The following PHACTR1 variants were observed in gnomAD, a reference collection of about 807,000 sequenced individuals.
PHACTR1 encodes the protein RPEL repeat containing 1.
PHACTR1 carries 16 observed loss-of-function variants against 69.2 expected under a neutral mutation model. The observed-to-expected ratio is 0.23, with a 90% CI of 0.16 to 0.35. The LOEUF (loss-of-function observed/expected upper bound fraction) is 0.35, where lower values mean the gene tolerates loss of function less well. PHACTR1 is among the 10% of genes least tolerant of loss of function. The probability of loss-of-function intolerance (pLI) is 1.00; values close to 1 mark genes in which losing one functional copy is unlikely to be tolerated. For missense variants in PHACTR1, 510 were observed against 734.7 expected (o/e 0.69, Z 3.54); for synonymous variants, 312 against 284.5 (o/e 1.10, Z -0.97).
intron 5 of PHACTR1, among the ~76,000 whole-genome samples, chr6:13,072,816 G>T (rs1809742598): frequency 6.6e-6 from 1 of 152,094 alleles, no homozygotes; most frequent in Non-Finnish European, 1.5e-5. Context: ...TTTCCAAAAA[G>T]GTTGTAACAA....
At chr6:12,810,308 GTGGT>G (rs1774875532) in intron 4 of PHACTR1, among the ~76,000 whole-genome samples, 1 of 151,556 alleles carries the variant, frequency 6.6e-6, no homozygotes, top group South Asian at 2.1e-4. Flanking sequence ...TTTCTGCATT[GTGGT>G]TGGTTGGTTT....
intron 10 of PHACTR1, among the ~76,000 whole-genome samples, chr6:13,270,225 C>T (rs1425359649): frequency 1.3e-5 from 2 of 152,200 alleles, no homozygotes; most frequent in Admixed American, 6.5e-5. Flanking sequence ...GATGAACAGC[C>T]AGATGAAGAG....
intron 4 of PHACTR1, among the ~76,000 whole-genome samples, chr6:12,765,188 G>T (rs1768461342): frequency 6.6e-6 from 1 of 152,188 alleles, no homozygotes; most frequent in Admixed American, 6.5e-5. Flanking sequence ...GTATCACCAT[G>T]TTAAGGAAAG....
At chr6:13,044,170 T>C (rs940831490) in intron 4 of PHACTR1, among the ~76,000 whole-genome samples, 4 of 152,216 alleles carry the variant, frequency 2.6e-5, no homozygotes, top group Admixed American at 2.0e-4. Context: ...CTGTTCACAA[T>C]GTGCTCTCTT....
At chr6:13,122,346 G>C (rs1334692329) in intron 5 of PHACTR1, among the ~76,000 whole-genome samples, 1 of 152,182 alleles carries the variant, frequency 6.6e-6, no homozygotes, top group East Asian at 1.9e-4. Context: ...TCTGTAATTA[G>C]GTGAAGTTGA....
intron 6 of PHACTR1, among the ~76,000 whole-genome samples, chr6:13,166,541 C>T (rs1759838432): frequency 1.3e-5 from 2 of 152,146 alleles, no homozygotes; most frequent in East Asian, 1.9e-4. Flanking sequence ...ATTCACTGCA[C>T]CGGCGAAATC....
intron 3 of PHACTR1, among the ~76,000 whole-genome samples, chr6:12,745,848 T>C (rs1460217478): frequency 6.6e-6 from 1 of 152,230 alleles, no homozygotes; most frequent in Non-Finnish European, 1.5e-5. Flanking sequence ...ATGGGACCCA[T>C]GCTGGTAGAG....
chr6:13,019,066 A>ATTTTTTTT (rs369553785), intron 4 of PHACTR1, among the ~76,000 whole-genome samples: 11 of 134,594 alleles, frequency 8.2e-5, no homozygotes, highest in East Asian at 8.0e-4. Flanking sequence ...ATATATATAT[A>ATTTTTTTT]TATATATATT....
intron 4 of PHACTR1, among the ~76,000 whole-genome samples, chr6:12,886,214 C>A (rs1454885387): frequency 6.6e-6 from 1 of 151,850 alleles, no homozygotes; most frequent in African/African-American, 2.4e-5. Context: ...ATGAAGCAAA[C>A]CACAAGTGCA....
chr6:13,219,191 A>G (rs1410903526), intron 8 of PHACTR1, among the ~76,000 whole-genome samples: 3 of 152,054 alleles, frequency 2.0e-5, no homozygotes, highest in Non-Finnish European at 4.4e-5. Context: ...CTTTCCAAAT[A>G]TGTCTCTTTT....
chr6:13,004,966 G>A lies in PHACTR1; in HGVS notation c.251-48399G>A, dbSNP rs368854043. On this transcript the variant is annotated intron_variant, in intron 4 of 14. Coordinates refer to ENST00000332995, the MANE Select transcript of PHACTR1 (RefSeq NM_030948.6). ...ATACAATACTATATAACATTTGCTT[G>A]TAATATATATTTAATATATTTCTTA... is the stretch of plus-strand genomic sequence containing the variant. Among the ~76,000 whole-genome samples, 23 of 151,812 alleles carry A rather than the reference G, an allele frequency of 1.5e-4. 1 individual carries two copies. The East Asian group carries it at 2.5e-3, about 17-fold the overall frequency.
Position 13,246,295 on chromosome 6 carries a change from G to C in PHACTR1, c.1391+16102G>C, listed in dbSNP as rs1030606816. 3.3e-5 allele frequency among the ~76,000 whole-genome samples: 5 copies of C among 152,150 alleles called. No individual in the cohort carries two copies. Among genetic ancestry groups the C allele is most frequent in the Non-Finnish European group, 7.3e-5 (5 of 68,030 alleles). On this transcript the variant is annotated intron_variant, in intron 10 of 14. Transcript: ENST00000332995. The surrounding 1 kb of genome is among the most constrained non-coding windows in gnomAD (Gnocchi z 4.2). ...CAGTTATCAAAAGGCCCATGTAAAAGGAATCCTTGAATTCTCCCACAGATA... is the reference window on the plus strand; with the variant it reads ...CAGTTATCAAAAGGCCCATGTAAAACGAATCCTTGAATTCTCCCACAGATA...
At chr6:12,891,117 A>C (rs1784129051) in intron 4 of PHACTR1, among the ~76,000 whole-genome samples, 1 of 152,194 alleles carries the variant, frequency 6.6e-6, no homozygotes, top group African/African-American at 2.4e-5. Flanking sequence ...AATGAAAGTT[A>C]AATTTTTTTT....
chr6:12,848,829 T>C (rs945282730), intron 4 of PHACTR1, among the ~76,000 whole-genome samples: 2 of 152,312 alleles, frequency 1.3e-5, no homozygotes, highest in African/African-American at 2.4e-5. Context: ...TCTTTTTTTC[T>C]TTTTTTAAGA....
At chr6:13,213,088 TTGAGTGAGTGAG>T (rs547670652) in intron 8 of PHACTR1, among the ~76,000 whole-genome samples, 16 of 151,766 alleles carry the variant, frequency 1.1e-4, no homozygotes, top group Admixed American at 3.3e-4. Context: ...GCTTATAGGT[TTGAGTGAGTGAG>T]TGAGTGAGTG....
chr6:13,260,940 T>C (rs1032363175), intron 10 of PHACTR1, among the ~76,000 whole-genome samples: 3 of 152,220 alleles, frequency 2.0e-5, no homozygotes, highest in African/African-American at 7.2e-5. Flanking sequence ...TGTTGATGCT[T>C]TGGACTGAAT....
At chr6:13,285,328 T>C (rs1293518725) in intron 13 of PHACTR1, among the ~76,000 whole-genome samples, 1 of 152,206 alleles carries the variant, frequency 6.6e-6, no homozygotes, top group Non-Finnish European at 1.5e-5. Flanking sequence ...ATTCTGATCC[T>C]ACAGGAAGAC....
intron 4 of PHACTR1, among the ~76,000 whole-genome samples, chr6:13,027,999 T>C (rs1801946154): frequency 6.6e-6 from 1 of 152,142 alleles, no homozygotes; most frequent in Non-Finnish European, 1.5e-5. Flanking sequence ...CACACTAGGG[T>C]GGAAAACTGA....
intron 4 of PHACTR1, among the ~76,000 whole-genome samples, chr6:12,965,009 A>G (rs972510128): frequency 1.1e-4 from 17 of 152,200 alleles, no homozygotes; most frequent in Non-Finnish European, 1.5e-5. Flanking sequence ...GATAGAAAAT[A>G]GTGTCCGTAG....
Sources: gnomAD v4.1 joint callset for allele counts (sites outside exome capture counted in the v4.1 genomes callset) on GRCh38, gnomAD v4.1.1 for gene constraint, Gnocchi (gnomAD v3.1) non-coding constraint, MANE v1.5 for transcripts, NCBI Gene and HGNC (gene_info 2026-07-23, HGNC 2026-07-21) for gene names.